NLGN1: variants seen among roughly 807,000 people sequenced by gnomAD.
The protein encoded by NLGN1 is neuroligin 1.
NLGN1 carries 12 observed loss-of-function variants against 65.5 expected under a neutral mutation model. The ratio of observed to expected loss-of-function variants is 0.18; its 90% CI spans 0.12 to 0.30. The LOEUF (loss-of-function observed/expected upper bound fraction) is 0.30, where lower values mean the gene tolerates loss of function less well. NLGN1 is among the 10% of genes least tolerant of loss of function. The probability of loss-of-function intolerance (pLI) is 1.00; values close to 1 mark genes in which losing one functional copy is unlikely to be tolerated. For synonymous variants in NLGN1, 350 were observed against 359.5 expected (o/e 0.97, Z 0.30); for missense variants, 750 against 1,007.1 (o/e 0.74, Z 3.46).
chr3:174,125,280 A>G (rs1315713493), intron 4 of NLGN1, among the ~76,000 whole-genome samples: 1 of 152,166 alleles, frequency 6.6e-6, no homozygotes, highest in East Asian at 1.9e-4. Context: ...TTTAGCCTAT[A>G]GGCCATATTG....
chr3:173,618,198 TTTC>T (rs1195022631), intron 3 of NLGN1, among the ~76,000 whole-genome samples: 3 of 144,508 alleles, frequency 2.1e-5, no homozygotes, highest in Admixed American at 7.0e-5. Flanking sequence ...TTGTTCTTCT[TTTC>T]TTCTTTTTTT....
At chr3:174,269,738 A>T (rs1748983573) in intron 4 of NLGN1, among the ~76,000 whole-genome samples, 1 of 151,838 alleles carries the variant, frequency 6.6e-6, no homozygotes, top group Admixed American at 6.6e-5. Flanking sequence ...TACTAATCCT[A>T]TGTTTAATTT....
intron 2 of NLGN1, among the ~76,000 whole-genome samples, chr3:173,537,243 A>G (rs1305948359): frequency 2.6e-5 from 4 of 152,202 alleles, no homozygotes; most frequent in Non-Finnish European, 5.9e-5. Context: ...ATCCATATGT[A>G]TCTCCTTAAG....
chr3:173,835,580 T>TACACACACACACAC (rs57183549), intron 4 of NLGN1, among the ~76,000 whole-genome samples: 3,208 of 146,448 alleles, frequency 0.022, 54 homozygotes, highest in East Asian at 0.05. Flanking sequence ...TTCAAACACA[T>TACACACACACACAC]ACACACACAC....
At chr3:173,821,705 A>G (rs1212246372) in intron 4 of NLGN1, among the ~76,000 whole-genome samples, 2 of 152,166 alleles carry the variant, frequency 1.3e-5, no homozygotes, top group Non-Finnish European at 2.9e-5. Flanking sequence ...TACAGAGACC[A>G]CAGATCAGAC....
intron 3 of NLGN1, among the ~76,000 whole-genome samples, chr3:173,806,712 A>G (rs947993502): frequency 1.3e-5 from 2 of 152,150 alleles, no homozygotes; most frequent in African/African-American, 4.8e-5. Flanking sequence ...CATTTTTCAT[A>G]CTGATTAAAA....
intron 4 of NLGN1, among the ~76,000 whole-genome samples, chr3:173,832,197 C>T (rs956535333): frequency 6.6e-6 from 1 of 151,840 alleles, no homozygotes; most frequent in East Asian, 1.9e-4. Flanking sequence ...CTCCTGGGCT[C>T]AAGCAGTTCT....
intron 4 of NLGN1, among the ~76,000 whole-genome samples, chr3:173,975,843 G>C (rs1717316731): frequency 6.6e-6 from 1 of 151,948 alleles, no homozygotes; most frequent in South Asian, 2.1e-4. Context: ...TCTCATGTGT[G>C]AGATTATTTA....
At chr3:174,120,344 TA>T (rs529887775) in intron 4 of NLGN1, among the ~76,000 whole-genome samples, 500 of 141,484 alleles carry the variant, frequency 3.5e-3, no homozygotes, top group African/African-American at 8.6e-3. Flanking sequence ...CTACTATAAA[TA>T]AAAAAAAAAA....
intron 3 of NLGN1, among the ~76,000 whole-genome samples, chr3:173,786,476 C>A (rs1781978585): frequency 6.6e-6 from 1 of 152,236 alleles, no homozygotes; most frequent in Admixed American, 6.5e-5. Flanking sequence ...TATTGAAAAT[C>A]ATTCTTTCTC....
At chr3:173,898,168 G>C (rs1363990055) in intron 4 of NLGN1, among the ~76,000 whole-genome samples, 1 of 152,178 alleles carries the variant, frequency 6.6e-6, no homozygotes, top group East Asian at 1.9e-4. Context: ...ACCTTGAATT[G>C]TAAGTTGTCC....
chr3:174,170,581 A>C (rs1728334231), intron 4 of NLGN1, among the ~76,000 whole-genome samples: 2 of 152,210 alleles, frequency 1.3e-5, no homozygotes, highest in South Asian at 4.1e-4. Context: ...GATGAGTAGA[A>C]AAACTGACTA....
chr3:173,420,321 G>A (rs538559038), intron 1 of NLGN1, among the ~76,000 whole-genome samples: 1 of 140,114 alleles, frequency 7.1e-6, no homozygotes, highest in South Asian at 2.3e-4. Flanking sequence ...GTGAGAACAT[G>A]CGGTGTTTGG....
chr3:173,963,467 A>G (rs760253655), intron 4 of NLGN1, among the ~76,000 whole-genome samples: 3 of 152,132 alleles, frequency 2.0e-5, no homozygotes, highest in Non-Finnish European at 4.4e-5. Context: ...TACCCGTTCT[A>G]TGTACGGATC....
Position 174,272,661 on chromosome 3 carries a change from GGATGGATAGATA to G in NLGN1, c.647-2650_647-2639del, listed in dbSNP as rs1446064091. On this transcript the variant is annotated intron_variant, in intron 4 of 6. Coordinates refer to ENST00000457714, the Ensembl canonical transcript of NLGN1. ...CAGATGATGATATGGATGGATGGATGGATGGATAGATAGATAGATAGATAGATAGATAGATAG... is the reference window on the plus strand; with the variant it reads ...CAGATGATGATATGGATGGATGGATGGATAGATAGATAGATAGATAGATAG... Among the ~76,000 whole-genome samples the G allele has an allele frequency of 5.2e-4, 55 of 105,534 alleles. 1 individual carries two copies. Among genetic ancestry groups the G allele is most frequent in the Admixed American group, 7.6e-4 (8 of 10,470 alleles). The allele number at this position is 105,534 out of a possible 152,430, so 69.2% of individuals were successfully genotyped here.
chr3:174,290,688 G>A (rs1752667421), downstream of NLGN1, among the ~76,000 whole-genome samples: 1 of 150,362 alleles, frequency 6.7e-6, no homozygotes, highest in Admixed American at 6.6e-5. Context: ...AATATGAGTG[G>A]ATAGAAAATT....
intron 3 of NLGN1, among the ~76,000 whole-genome samples, chr3:173,764,548 A>G (rs1403043759): frequency 6.6e-6 from 1 of 152,144 alleles, no homozygotes; most frequent in African/African-American, 2.4e-5. Context: ...TCTGAGAAGT[A>G]TATCTCAGCT....
intron 4 of NLGN1, among the ~76,000 whole-genome samples, chr3:173,828,504 C>T (rs937529842): frequency 6.6e-6 from 1 of 152,108 alleles, no homozygotes; most frequent in Non-Finnish European, 1.5e-5. Flanking sequence ...AGGTATTGGA[C>T]ACAGAGCAGC....
At chr3:173,813,349 T>C (rs1034943789) in intron 4 of NLGN1, among the ~76,000 whole-genome samples, 2 of 152,178 alleles carry the variant, frequency 1.3e-5, no homozygotes, top group Non-Finnish European at 2.9e-5. Context: ...ATCATATATT[T>C]AAGAGTAATA....
Sources: allele counts gnomAD v4.1 joint callset (sites outside exome capture counted in the v4.1 genomes callset), GRCh38; gene constraint gnomAD v4.1.1; transcripts MANE v1.5; gene names NCBI Gene and HGNC (gene_info 2026-07-23, HGNC 2026-07-21).